Variants in GLYATL2 observed in about 807,000 individuals in gnomAD.
GLYATL2 encodes glycine-N-acyltransferase like 2.
Under a neutral mutation model 21.4 loss-of-function variants are expected in GLYATL2, and 25 were observed. That is an observed-to-expected ratio of 1.17 (90% confidence interval 0.85 to 1.63). The LOEUF (loss-of-function observed/expected upper bound fraction) is 1.63. Among genes scored for constraint, GLYATL2 ranks in the 40% most tolerant of loss-of-function variants. The pLI is 0.00. For missense variants in GLYATL2, 361 were observed against 343.3 expected (o/e 1.05, Z -0.41); for synonymous variants, 114 against 118.2 (o/e 0.96, Z 0.23).
At chr11:58,880,918 CTATT>C (rs1326270304) in intron 1 of GLYATL2, among the ~76,000 whole-genome samples, 3 of 152,194 alleles carry the variant, frequency 2.0e-5, no homozygotes, top group East Asian at 1.9e-4. Context: ...TATTAGTTAA[CTATT>C]TAACCTTCAA....
chr11:58,872,251 G>T (rs1854136316), intron 1 of GLYATL2, among the ~76,000 whole-genome samples: 1 of 152,130 alleles, frequency 6.6e-6, no homozygotes, highest in South Asian at 2.1e-4. Context: ...TCACTCTGAT[G>T]GTGGTTTCTT....
chr11:58,892,946 T>C, intron 1 of GLYATL2: 1 of 298,020 alleles, frequency 3.4e-6, no homozygotes, highest in Non-Finnish European at 6.6e-6. Flanking sequence ...TTTCTTGTGA[T>C]GAATAAAGGT....
At chr11:58,891,966 T>C (rs1306944177) in intron 1 of GLYATL2, among the ~76,000 whole-genome samples, 1 of 152,172 alleles carries the variant, frequency 6.6e-6, no homozygotes, top group African/African-American at 2.4e-5. Context: ...CATCCTGTCT[T>C]TGTTCTTTAT....
intron 1 of GLYATL2, among the ~76,000 whole-genome samples, chr11:58,861,664 T>G (rs1853934271): frequency 6.6e-6 from 1 of 151,958 alleles, no homozygotes; most frequent in South Asian, 2.1e-4. Flanking sequence ...TTGTTTAAGA[T>G]CTTTCTTTTT....
intron 1 of GLYATL2, among the ~76,000 whole-genome samples, chr11:58,902,113 C>T (rs1022539262): frequency 6.6e-6 from 1 of 152,144 alleles, no homozygotes; most frequent in South Asian, 2.1e-4. Flanking sequence ...TCAAGGCTGG[C>T]TCCTAAGCTG....
intron 1 of GLYATL2, among the ~76,000 whole-genome samples, chr11:58,889,650 T>C (rs2134620241): frequency 6.6e-6 from 1 of 152,214 alleles, no homozygotes; most frequent in East Asian, 1.9e-4. Context: ...ATGAAATTTT[T>C]CCTCCTTTAA....
chr11:58,838,705 TCTGTCTTAAG>T (rs1211003951), intron 2 of GLYATL2, among the ~76,000 whole-genome samples: 1 of 152,130 alleles, frequency 6.6e-6, no homozygotes, highest in African/African-American at 2.4e-5. Flanking sequence ...ATGTATCAGG[TCTGTCTTAAG>T]CATGAAAAAC....
intron 1 of GLYATL2, among the ~76,000 whole-genome samples, chr11:58,841,594 G>A (rs1400464336): frequency 6.6e-6 from 1 of 152,120 alleles, no homozygotes; most frequent in Admixed American, 6.6e-5. Flanking sequence ...TTCAAAGATG[G>A]ACTACATGTA....
intron 5 of GLYATL2, among the ~76,000 whole-genome samples, chr11:58,836,769 A>G (rs1289060277): frequency 2.0e-5 from 3 of 152,188 alleles, no homozygotes; most frequent in East Asian, 3.8e-4. Flanking sequence ...TGATGTCACC[A>G]TGATGTCCAT....
At chr11:58,870,028 A>G (rs1452380796) in intron 1 of GLYATL2, among the ~76,000 whole-genome samples, 1 of 152,152 alleles carries the variant, frequency 6.6e-6, no homozygotes, top group Non-Finnish European at 1.5e-5. Context: ...AGATTGCTTG[A>G]GCCTGAAAGG....
At chr11:58,849,868 T>C (rs1033013005) in intron 1 of GLYATL2, among the ~76,000 whole-genome samples, 3 of 151,952 alleles carry the variant, frequency 2.0e-5, no homozygotes, top group Non-Finnish European at 2.9e-5. Flanking sequence ...CAAACTACCA[T>C]AGCTCGCTTA....
chr11:58,893,256 GA>G (rs1854577066), intron 1 of GLYATL2: 2 of 265,170 alleles, frequency 7.5e-6, no homozygotes, highest in Admixed American at 5.5e-5. Flanking sequence ...CCTACAGCAT[GA>G]AAAAATACCG....
At chr11:58,905,453 A>T (rs541967442), upstream of GLYATL2, 1 of 456,030 alleles carries the variant, frequency 2.2e-6, no homozygotes, top group East Asian at 7.0e-5. Flanking sequence ...CAATGGCCAC[A>T]CACCGAAGCA....
intron 1 of GLYATL2, among the ~76,000 whole-genome samples, chr11:58,864,339 C>T (rs930819324): frequency 1.7e-5 from 2 of 120,096 alleles, no homozygotes; most frequent in Non-Finnish European, 3.7e-5. Context: ...CATCTGACAC[C>T]TATGGCACTG....
chr11:58,878,330 A>G (rs1007224996), intron 1 of GLYATL2: 2 of 611,968 alleles, frequency 3.3e-6, no homozygotes, highest in Non-Finnish European at 5.0e-6. Flanking sequence ...AGGATGCTAC[A>G]TGCAGGATCC....
chr11:58,848,615 T>G (rs1406641694), upstream of GLYATL2, among the ~76,000 whole-genome samples: 4 of 152,016 alleles, frequency 2.6e-5, no homozygotes. Flanking sequence ...AAAAAAGAAT[T>G]AGTGAGCTTG....
chr11:58,875,391 T>C (rs1360142124), intron 1 of GLYATL2, among the ~76,000 whole-genome samples: 1 of 152,252 alleles, frequency 6.6e-6, no homozygotes, highest in Non-Finnish European at 1.5e-5. Context: ...GCATTGATGG[T>C]CTTTACAATT....
chr11:58,889,048 T>C (rs1590749756), intron 1 of GLYATL2, among the ~76,000 whole-genome samples: 1 of 151,852 alleles, frequency 6.6e-6, no homozygotes, highest in Non-Finnish European at 1.5e-5. Context: ...TCAGTTTTTG[T>C]TCTATGCCAT....
In GLYATL2 at chr11:58,834,800, G is replaced by A. The variant is rs747413442; in HGVS notation, c.514C>T (p.His172Tyr). ...NFSNMFLDAS[H>Y]AGLVNEHWAF... ...CAGTGTTCATTCACAAGACCTGCATGTGAAGCATCTAAGAACATGTTTGAA... is the reference window on the plus strand; with the variant it reads ...CAGTGTTCATTCACAAGACCTGCATATGAAGCATCTAAGAACATGTTTGAA... Residue 172 changes from histidine (H) to tyrosine (Y), a missense_variant, in exon 6 of 6, where the codon CAT becomes TAT. His to Tyr is a moderately conservative substitution (Grantham distance 83). Coordinates refer to ENST00000287275, the MANE Select transcript of GLYATL2 (RefSeq NM_145016.4). The A allele has an allele frequency of 6.8e-6, 11 of 1,609,394 alleles. No individual in the cohort carries two copies. In the East Asian group the frequency reaches 1.1e-4, roughly 16 times the overall value.
Sources: allele counts gnomAD v4.1 joint callset (sites outside exome capture counted in the v4.1 genomes callset), GRCh38; gene constraint gnomAD v4.1.1; transcripts MANE v1.5; gene names NCBI Gene and HGNC (gene_info 2026-07-23, HGNC 2026-07-21).